GLP2R: variants seen among roughly 807,000 people sequenced by gnomAD.
GLP2R encodes glucagon-like peptide 2 receptor.
Under a neutral mutation model 68.2 loss-of-function variants are expected in GLP2R, and 59 were observed. The ratio of observed to expected loss-of-function variants is 0.87; its 90% CI spans 0.70 to 1.07. GLP2R has a LOEUF of 1.07. Among genes scored for constraint, GLP2R ranks in the 50% least tolerant of loss-of-function variants. The pLI is 0.00. For missense variants in GLP2R, 548 were observed against 677.4 expected (o/e 0.81, Z 2.12); for synonymous variants, 270 against 265.4 (o/e 1.02, Z -0.17).
At chr17:9,850,692 C>CTT (rs11288196) in intron 4 of GLP2R, among the ~76,000 whole-genome samples, 5,677 of 125,886 alleles carry the variant, frequency 0.045, 450 homozygotes, top group East Asian at 0.24. Flanking sequence ...GATTTTTTCA[C>CTT]TTTTTTTTTT....
chr17:9,860,569 G>A (rs909857939), intron 7 of GLP2R, among the ~76,000 whole-genome samples: 8 of 152,030 alleles, frequency 5.3e-5, no homozygotes, highest in Admixed American at 1.3e-4. Context: ...AAGCTCTCTC[G>A]TCTCTTTTTA....
Position 9,890,064 on chromosome 17 carries a change from A to C in GLP2R, c.*359A>C. The stretch of plus-strand genomic sequence containing the variant: ...TCTCTTCCTTTATCCCTTGGGGTGC[A>C]TGCTTTCCATCTGAGGTTGGGTTTA... On this transcript the variant is annotated 3_prime_UTR_variant, in exon 13 of 13. Transcript: ENST00000262441. 2.2e-6 allele frequency: 1 copy of C among 464,062 alleles called. No individual in the cohort carries two copies. The highest frequency in any genetic ancestry group is 4.3e-6 in the Non-Finnish European group (1 of 232,144). The allele number at this position is 464,062 out of a possible 1,614,324, so 28.7% of individuals were successfully genotyped here.
intron 3 of GLP2R, 24 bp from the exon 4 acceptor site, chr17:9,842,471 C>A (rs1349461573): frequency 6.2e-7 from 1 of 1,613,882 alleles, no homozygotes; most frequent in Non-Finnish European, 8.5e-7. Context: ...CTGACCTTTC[C>A]TCCAGAGCTT....
chr17:9,862,922 G>A (rs889158833), intron 9 of GLP2R, among the ~76,000 whole-genome samples: 2 of 152,154 alleles, frequency 1.3e-5, no homozygotes, highest in Non-Finnish European at 2.9e-5. Context: ...AAAGAAAAAG[G>A]CTAGTTTTTA....
intron 4 of GLP2R, among the ~76,000 whole-genome samples, chr17:9,852,261 C>G (rs1001489830): frequency 1.3e-5 from 2 of 152,010 alleles, no homozygotes; most frequent in African/African-American, 4.8e-5. Context: ...GTGATGTTCC[C>G]CTCTCTGTGT....
intron 4 of GLP2R, among the ~76,000 whole-genome samples, chr17:9,844,650 A>G (rs2066819634): frequency 8.3e-6 from 1 of 120,912 alleles, no homozygotes; most frequent in South Asian, 2.8e-4. Context: ...TGGATTCTCA[A>G]TATTTTACTA....
chr17:9,845,884 T>C (rs1387756992), intron 4 of GLP2R, among the ~76,000 whole-genome samples: 1 of 152,180 alleles, frequency 6.6e-6, no homozygotes, highest in Non-Finnish European at 1.5e-5. Context: ...AGTAAGTTAG[T>C]CTACTTTCGT....
chr17:9,868,971 A>G (rs2067066459), intron 9 of GLP2R, among the ~76,000 whole-genome samples: 1 of 152,214 alleles, frequency 6.6e-6, no homozygotes, highest in African/African-American at 2.4e-5. Flanking sequence ...ACATTACTTG[A>G]TTACATTTAC....
intron 10 of GLP2R, among the ~76,000 whole-genome samples, chr17:9,878,799 G>A (rs543000980): frequency 5.3e-4 from 81 of 152,206 alleles, no homozygotes; most frequent in African/African-American, 1.9e-3. Context: ...TCTTGTTCTC[G>A]TACAGAGTTA....
intron 4 of GLP2R, among the ~76,000 whole-genome samples, chr17:9,844,773 C>T (rs1464079994): frequency 7.1e-6 from 1 of 141,772 alleles, no homozygotes; most frequent in Admixed American, 7.5e-5. Flanking sequence ...TCACTGCAAC[C>T]TCTGCCTCCC....
intron 8 of GLP2R, 35 bp downstream of exon 8, chr17:9,861,234 C>G (rs895785391): frequency 2.2e-6 from 3 of 1,348,582 alleles, no homozygotes; most frequent in Non-Finnish European, 3.2e-6. Flanking sequence ...CTTTCACGAG[C>G]CGGTAATTCC....
chr17:9,837,521 G>A (rs2066744317), intron 3 of GLP2R, among the ~76,000 whole-genome samples: 1 of 152,172 alleles, frequency 6.6e-6, no homozygotes, highest in Non-Finnish European at 1.5e-5. Context: ...GGGGAAGAAG[G>A]ATTTTCAAAG....
chr17:9,883,942 T>C (rs1002768361), intron 11 of GLP2R, among the ~76,000 whole-genome samples: 23 of 152,204 alleles, frequency 1.5e-4, no homozygotes, highest in African/African-American at 5.5e-4. Context: ...AAAAGGTAGA[T>C]ACACAGGTAA....
chr17:9,840,830 G>A (rs1286221712), intron 3 of GLP2R, among the ~76,000 whole-genome samples: 7 of 152,162 alleles, frequency 4.6e-5, no homozygotes, highest in Admixed American at 6.5e-5. Context: ...CGCTCTATGC[G>A]GGGACCATGC....
chr17:9,827,132 G>A (rs1325443465), intron 1 of GLP2R, among the ~76,000 whole-genome samples: 7 of 151,980 alleles, frequency 4.6e-5, no homozygotes, highest in Admixed American at 4.6e-4. Context: ...GCCTCCCAAA[G>A]TGCTGAGATT....
At chr17:9,866,935 T>A (rs2067043336) in intron 9 of GLP2R, 1 of 152,220 alleles carries the variant, frequency 6.6e-6, no homozygotes, top group Non-Finnish European at 1.5e-5. Context: ...TCCACTGCAC[T>A]AGACTGTGAC....
chr17:9,890,268 G>C lies in GLP2R; in HGVS notation c.*563G>C. Reference sequence around the variant, plus strand: ...CACTGGGCAGGGTGAGAGGGAGCTAGAAGCGCCCCCATGTGGCCATGGCAG... The same window carrying C: ...CACTGGGCAGGGTGAGAGGGAGCTACAAGCGCCCCCATGTGGCCATGGCAG... On this transcript the variant is annotated 3_prime_UTR_variant, in exon 13 of 13. Transcript: ENST00000262441. 4 of 342,862 alleles carry C rather than the reference G, an allele frequency of 1.2e-5. No individual in the cohort carries two copies. Among genetic ancestry groups the C allele is most frequent in the Non-Finnish European group, 2.3e-5 (4 of 175,466 alleles). 21.2% of individuals were successfully genotyped at this position (342,862 alleles called of 1,614,324 possible).
Position 9,859,981 on chromosome 17 carries a change from T to C in GLP2R, c.805T>C (p.Tyr269His). The C allele has an allele frequency of 1.2e-6, 2 of 1,613,234 alleles. No homozygotes were observed. Among genetic ancestry groups the C allele is most frequent in the East Asian group, 2.2e-5 (1 of 44,860 alleles). The change falls in exon 7 of 13, where the codon TAC becomes CAC. Residue 269 changes from tyrosine to histidine, a missense_variant. Transcript: ENST00000262441. ...SCRSVQVLLH[Y>H]FVGANYLWLL... ...CCGCTCAGTCCAGGTTCTCTTGCAT[T>C]ACTTTGTGGGTGCCAATTACTTATG...
At chr17:9,866,096 T>C (rs951620788) in intron 9 of GLP2R, 9 of 341,966 alleles carry the variant, frequency 2.6e-5, no homozygotes, top group Non-Finnish European at 5.1e-5. Context: ...GGAATTTATG[T>C]GTCCCACCAG....
Sources: allele counts gnomAD v4.1 joint callset (sites outside exome capture counted in the v4.1 genomes callset), GRCh38; gene constraint gnomAD v4.1.1; transcripts MANE v1.5; gene names NCBI Gene and HGNC (gene_info 2026-07-23, HGNC 2026-07-21).